PHIP: variants seen among roughly 807,000 people sequenced by gnomAD.
PHIP encodes the protein PH-interacting protein.
Under a neutral mutation model 236.8 loss-of-function variants are expected in PHIP, and 54 were observed. The observed-to-expected ratio is 0.23, with a 90% confidence interval of 0.18 to 0.29. PHIP has a LOEUF of 0.29. PHIP is among the 10% of genes least tolerant of loss of function. The pLI is 1.00. For missense variants in PHIP, 1,370 were observed against 2,190.8 expected (o/e 0.63, Z 7.48); for synonymous variants, 756 against 718.9 (o/e 1.05, Z -0.83).
intron 4 of PHIP, among the ~76,000 whole-genome samples, chr6:79,077,080 G>A (rs1477728403): frequency 5.3e-5 from 8 of 152,114 alleles, no homozygotes; most frequent in South Asian, 2.1e-4. Context: ...GAACGAGCGA[G>A]CGCGCTCTCC....
At position 78,938,506 on chromosome 6, in the gene PHIP, G is replaced by A. The variant is rs1229047460; in HGVS notation, c.*2187C>T. On this transcript the variant is annotated 3_prime_UTR_variant, in exon 40 of 40. Transcript: ENST00000275034. ...CTTAACACAATGCAGATAACATCAG[G>A]AAATTACATATTTCAAATAGATTGC... The A allele has an allele frequency of 1.3e-5, 2 of 151,274 alleles. No individual in the cohort carries two copies. Among genetic ancestry groups the A allele is most frequent in the Admixed American group, 1.3e-4 (2 of 15,198 alleles). The allele number at this position is 151,274 out of a possible 1,614,324, so 9.4% of individuals were successfully genotyped here.
Position 78,935,829 on chromosome 6 carries a change from T to G in PHIP, c.*4864A>C. 1.3e-6 allele frequency: 1 copy of G among 756,294 alleles called. No homozygotes were observed. Among genetic ancestry groups the G allele is most frequent in the Non-Finnish European group, 1.6e-6 (1 of 620,802 alleles). The allele number at this position is 756,294 out of a possible 1,614,324, so 46.8% of individuals were successfully genotyped here. A position where few individuals can be genotyped will look rare whatever the true frequency, so the allele number is the denominator to read the frequency against. ...AGTGCTTTATGTGATGCCAAAAAAC[T>G]TTAAAAAGCAAATAATAAATCATGA... is the stretch of plus-strand genomic sequence containing the variant. On this transcript the variant is annotated 3_prime_UTR_variant, in exon 40 of 40. Transcript: ENST00000275034.
chr6:79,031,492 C>T (rs1286994702), intron 7 of PHIP, among the ~76,000 whole-genome samples: 1 of 152,078 alleles, frequency 6.6e-6, no homozygotes, highest in Non-Finnish European at 1.5e-5. Flanking sequence ...TACTTGAAAA[C>T]ACAACAGCAT....
Position 79,015,113 on chromosome 6 carries a change from C to G in PHIP, c.1493G>C (p.Arg498Thr). The G allele has an allele frequency of 1.9e-6, 3 of 1,611,560 alleles. No homozygotes were observed. The highest frequency in any genetic ancestry group is 2.5e-6 in the Non-Finnish European group (3 of 1,178,044). The stretch of plus-strand genomic sequence containing the variant: ...GAAATAAGATCGTATTTTGACTCCT[C>G]TTGCCAGATCCCACACTATCACGTT... ...DGNVIVWDLA[R>T]GVKIRSYFNM... is the part of the protein sequence containing the mutation. Residue 498 changes from arginine to threonine, a missense_variant, in exon 15 of 40, where the codon AGA (arginine) becomes ACA (threonine). Physicochemically the swap from Arg to Thr is moderately conservative, Grantham distance 71 (BLOSUM62 -1). This residue lies in a region of PHIP where 188 missense variants were observed against 354.3 expected (regional missense o/e 0.53). Coordinates refer to ENST00000275034, the MANE Select transcript of PHIP (RefSeq NM_017934.7).
At chr6:78,946,439 G>A in intron 37 of PHIP, 179 bp from the exon 38 acceptor site, 2 of 1,404,246 alleles carry the variant, frequency 1.4e-6, no homozygotes, top group Non-Finnish European at 1.8e-6. Context: ...AAGGATCGCT[G>A]TAAATGCTAA....
intron 6 of PHIP, among the ~76,000 whole-genome samples, chr6:79,059,594 TATATATATATA>T (rs1773255862): frequency 2.1e-5 from 1 of 48,688 alleles, no homozygotes; most frequent in Non-Finnish European, 4.5e-5. Context: ...AGCAAAATTA[TATATATATATA>T]TATATATATA....
At chr6:79,034,068 C>A (rs1249654390) in intron 7 of PHIP, among the ~76,000 whole-genome samples, 1 of 152,062 alleles carries the variant, frequency 6.6e-6, no homozygotes, top group African/African-American at 2.4e-5. Context: ...GATTATAGAT[C>A]ACCATAACAG....
chr6:79,063,488 C>T (rs968224981), intron 4 of PHIP, among the ~76,000 whole-genome samples: 4 of 152,208 alleles, frequency 2.6e-5, no homozygotes, highest in African/African-American at 4.8e-5. Flanking sequence ...GGGATCTCGG[C>T]TCACTGCAAC....
Position 78,937,887 on chromosome 6 carries a change from C to G in PHIP, c.*2806G>C, listed in dbSNP as rs1036848070. The G allele has an allele frequency of 1.3e-5, 2 of 151,730 alleles. No individual in the cohort carries two copies. The highest frequency in any genetic ancestry group is 3.9e-4 in the East Asian group (2 of 5,174). 9.4% of individuals were successfully genotyped at this position (151,730 alleles called of 1,614,324 possible). The stretch of plus-strand genomic sequence containing the variant: ...AGGGAGAGAATACTAGGGTTGGGTA[C>G]TTAGAAATACCTAAATTGGTTTACA... On this transcript the variant is annotated 3_prime_UTR_variant, in exon 40 of 40. Coordinates refer to ENST00000275034, the MANE Select transcript of PHIP (RefSeq NM_017934.7).
At chr6:79,012,075 A>G (rs1010647127) in intron 15 of PHIP, among the ~76,000 whole-genome samples, 1 of 151,688 alleles carries the variant, frequency 6.6e-6, no homozygotes, top group Non-Finnish European at 1.5e-5. Context: ...GGCTATTTCT[A>G]AAATTTCAAA....
At chr6:78,988,735 G>GTT (rs149365393) in intron 20 of PHIP, among the ~76,000 whole-genome samples, 3 of 146,780 alleles carry the variant, frequency 2.0e-5, no homozygotes, top group Admixed American at 6.8e-5. Context: ...CAAAAATGCT[G>GTT]TTTTTTTTTT....
intron 35 of PHIP, among the ~76,000 whole-genome samples, chr6:78,949,902 T>A (rs1774049662): frequency 6.6e-6 from 1 of 152,142 alleles, no homozygotes; most frequent in Non-Finnish European, 1.5e-5. Context: ...TTGCTCAGAC[T>A]GGTCTCAAAC....
intron 4 of PHIP, among the ~76,000 whole-genome samples, chr6:79,066,696 T>C (rs1773641266): frequency 6.6e-6 from 1 of 152,164 alleles, no homozygotes; most frequent in Admixed American, 6.5e-5. Context: ...CTTTAAAAAA[T>C]TCTAAGGGTA....
chr6:78,998,351 G>C lies in PHIP; in HGVS notation c.1920C>G (p.Ile640Met), dbSNP rs1157739223. 4 of 1,613,520 alleles carry C rather than the reference G, an allele frequency of 2.5e-6. No individual in the cohort carries two copies. The highest frequency in any genetic ancestry group is 2.5e-6 in the Non-Finnish European group (3 of 1,179,520). Residue 640 changes from isoleucine (I) to methionine (M), a missense_variant, in exon 18 of 40, where the codon ATC (isoleucine) becomes ATG (methionine). Ile to Met is a conservative substitution (Grantham distance 10). Coordinates refer to ENST00000275034, the MANE Select transcript of PHIP (RefSeq NM_017934.7). ...TTTGAATCATGCTGTCCAGTGGGCT[G>C]ATCTCCTGGTTTGCTTGCTGACTTA... ...QVLSQQANQEISPLDSMIQRL... is the reference protein window; with the variant it reads ...QVLSQQANQEMSPLDSMIQRL...
Position 78,945,512 on chromosome 6 carries a change from CA to C in PHIP, c.4631-16del. On this transcript the variant is annotated splice_polypyrimidine_tract_variant and intron_variant, in intron 38 of 39. Coordinates refer to ENST00000275034, the MANE Select transcript of PHIP (RefSeq NM_017934.7). ...ATTCTCTAGTACTAAAACATACAAA[CA>C]AAATTTAAAAATTAAGAGTTATTGA... 6.6e-7 allele frequency: 1 copy of C among 1,504,042 alleles called. No homozygotes were observed. The allele number at this position is 1,504,042 out of a possible 1,614,324, so 93.2% of individuals were successfully genotyped here. A position where few individuals can be genotyped will look rare whatever the true frequency, so the allele number is the denominator to read the frequency against.
chr6:78,992,218 C>T (rs1039059546), intron 19 of PHIP, among the ~76,000 whole-genome samples: 1 of 152,104 alleles, frequency 6.6e-6, no homozygotes. Flanking sequence ...CCACCTCGGC[C>T]TCCCAAAGTG....
At chr6:79,036,045 A>T (rs537671719) in intron 7 of PHIP, among the ~76,000 whole-genome samples, 80 of 152,324 alleles carry the variant, frequency 5.3e-4, no homozygotes, top group African/African-American at 1.8e-3. Flanking sequence ...TAAGCATACT[A>T]ATTCCACAAC....
At position 78,935,491 on chromosome 6, in the gene PHIP, CAA is replaced by C. The variant is rs1773243170; in HGVS notation, c.*5200_*5201del. 3.1e-6 allele frequency: 3 copies of C among 977,812 alleles called. No homozygotes were observed. Among genetic ancestry groups the C allele is most frequent in the Non-Finnish European group, 3.6e-6 (3 of 823,058 alleles). 60.6% of individuals were successfully genotyped at this position (977,812 alleles called of 1,614,324 possible). A position where few individuals can be genotyped will look rare whatever the true frequency, so the allele number is the denominator to read the frequency against. On this transcript the variant is annotated 3_prime_UTR_variant, in exon 40 of 40. Coordinates refer to ENST00000275034, the MANE Select transcript of PHIP (RefSeq NM_017934.7). The stretch of plus-strand genomic sequence containing the variant: ...GCACATTTTTGAGAAAATATTTATG[CAA>C]AGTGTTCCACTGAAATGTATCTCTT...
At chr6:78,958,367 A>G in intron 32 of PHIP, 108 bp downstream of exon 32, 2 of 706,800 alleles carry the variant, frequency 2.8e-6, no homozygotes, top group South Asian at 4.1e-5. Flanking sequence ...TATTTTGGCT[A>G]CTCTTAAATG....
Sources: allele counts gnomAD v4.1 joint callset (sites outside exome capture counted in the v4.1 genomes callset), GRCh38; gene constraint gnomAD v4.1.1; regional missense constraint gnomAD v4.1.1; transcripts MANE v1.5; gene names NCBI Gene and HGNC (gene_info 2026-07-23, HGNC 2026-07-21).